C19orf47: variants seen among roughly 807,000 people sequenced by gnomAD.
C19orf47 encodes the protein chromosome 19 open reading frame 47.
Under a neutral mutation model 32.3 loss-of-function variants are expected in C19orf47, and 18 were observed. The ratio of observed to expected loss-of-function variants is 0.56; its 90% CI spans 0.39 to 0.83. The LOEUF (loss-of-function observed/expected upper bound fraction) is 0.83. Among genes scored for constraint, C19orf47 ranks in the 40% least tolerant of loss-of-function variants. C19orf47 has a pLI of 0.00. For synonymous variants in C19orf47, 202 were observed against 211.1 expected (o/e 0.96, Z 0.37); for missense variants, 484 against 531.6 (o/e 0.91, Z 0.88).
At chr19:40,296,906 C>T in the C19orf47 span, among the ~76,000 whole-genome samples, 1,118 of 151,518 alleles carry the variant, frequency 7.4e-3, 12 homozygotes, top group Non-Finnish European at 0.01. Flanking sequence ...AGAGCAAGAC[C>T]CTGTCTCAAA....
the C19orf47 span, among the ~76,000 whole-genome samples, chr19:40,295,818 C>G: frequency 6.6e-6 from 1 of 152,102 alleles, no homozygotes; most frequent in East Asian, 1.9e-4. Flanking sequence ...GCAATCACCA[C>G]TCACTGCAGC....
intron 7 of C19orf47, among the ~76,000 whole-genome samples, chr19:40,325,412 G>A (rs1473413772): frequency 6.6e-6 from 1 of 152,058 alleles, no homozygotes; most frequent in Admixed American, 6.6e-5. Context: ...CAGATCACTT[G>A]AGCTCAGGAG....
At chr19:40,329,736 A>G (rs1321535744) in intron 5 of C19orf47, among the ~76,000 whole-genome samples, 4 of 151,956 alleles carry the variant, frequency 2.6e-5, no homozygotes, top group African/African-American at 9.7e-5. Context: ...TTCTTCAGAC[A>G]TTTTTCAGGT....
chr19:40,298,206 C>T, the C19orf47 span, among the ~76,000 whole-genome samples: 7 of 150,966 alleles, frequency 4.6e-5, no homozygotes, highest in African/African-American at 1.7e-4. Flanking sequence ...CAACAACAAT[C>T]GTGCTTTATG....
At chr19:40,340,572 G>C (rs10421266) in intron 2 of C19orf47, among the ~76,000 whole-genome samples, 1 of 151,380 alleles carries the variant, frequency 6.6e-6, no homozygotes, top group Non-Finnish European at 1.5e-5. Context: ...TCCCAGCTAC[G>C]TGGGAAGCTG....
At chr19:40,331,743 A>T (rs1468536681) in intron 5 of C19orf47, among the ~76,000 whole-genome samples, 3 of 152,218 alleles carry the variant, frequency 2.0e-5, no homozygotes, top group Non-Finnish European at 4.4e-5. Flanking sequence ...GTTTATTTTT[A>T]AAAAAGGTAT....
rs2078376304 is a variant in C19orf47 at position 40,348,378 on chromosome 19, C to A, written c.-88G>T. ...CCGCCCGCCCTCCCTCCCGGCGGCG[C>A]CAACTGTCAGACACTCCTCCCCCGG... On this transcript the variant is annotated 5_prime_UTR_variant, in exon 1 of 9. Transcript: ENST00000683109. 33 of 1,422,496 alleles carry A rather than the reference C, an allele frequency of 2.3e-5. No individual in the cohort carries two copies. Among genetic ancestry groups the A allele is most frequent in the Non-Finnish European group, 3.0e-5 (33 of 1,088,334 alleles). The allele number at this position is 1,422,496 out of a possible 1,614,324, so 88.1% of individuals were successfully genotyped here. A position where few individuals can be genotyped will look rare whatever the true frequency, so the allele number is the denominator to read the frequency against.
intron 4 of C19orf47, among the ~76,000 whole-genome samples, 190 bp from the exon 5 acceptor site, chr19:40,334,119 T>C (rs949717687): frequency 1.3e-5 from 2 of 152,192 alleles, no homozygotes; most frequent in Non-Finnish European, 1.5e-5. Flanking sequence ...ACCAGTATAT[T>C]CAGATATATA....
At chr19:40,330,703 T>C (rs1366669455) in intron 5 of C19orf47, among the ~76,000 whole-genome samples, 2 of 151,972 alleles carry the variant, frequency 1.3e-5, no homozygotes, top group Admixed American at 1.3e-4. Flanking sequence ...TTACTAATTT[T>C]TGTAGAGACA....
At chr19:40,325,400 G>A (rs2077809078) in intron 7 of C19orf47, among the ~76,000 whole-genome samples, 1 of 152,084 alleles carries the variant, frequency 6.6e-6, no homozygotes, top group Admixed American at 6.6e-5. Context: ...AGGTGAAGCA[G>A]GCAGATCACT....
At chr19:40,302,988 C>T in the C19orf47 span, among the ~76,000 whole-genome samples, 2 of 152,188 alleles carry the variant, frequency 1.3e-5, no homozygotes, top group African/African-American at 2.4e-5. Context: ...CACCTATAAT[C>T]CCAGCATTTT....
the C19orf47 span, among the ~76,000 whole-genome samples, chr19:40,311,379 CAAA>C: frequency 7.2e-6 from 1 of 139,208 alleles, no homozygotes. Flanking sequence ...AACTCGGTCT[CAAA>C]AAAAAAAAAA....
At chr19:40,306,879 C>T in the C19orf47 span, among the ~76,000 whole-genome samples, 36 of 150,760 alleles carry the variant, frequency 2.4e-4, 1 homozygote, top group African/African-American at 8.8e-4. Context: ...GGCTCCGCCC[C>T]CCGGGGTTCA....
intron 7 of C19orf47, among the ~76,000 whole-genome samples, chr19:40,325,670 A>G (rs1055883756): frequency 3.3e-5 from 5 of 152,252 alleles, no homozygotes; most frequent in East Asian, 3.9e-4. Flanking sequence ...AACTGCCTAT[A>G]TATGTGTTAT....
Position 40,319,931 on chromosome 19 carries a change from A to T in C19orf47, c.*1951T>A, listed in dbSNP as rs1328048264. 6.5e-6 allele frequency: 1 copy of T among 154,176 alleles called. No homozygotes were observed. The highest frequency in any genetic ancestry group is 1.9e-4 in the East Asian group (1 of 5,208). 9.6% of individuals were successfully genotyped at this position (154,176 alleles called of 1,614,324 possible). ...CCGCCTGAGCCCCAGCGGGGACCCT[A>T]ACAGGCGCAATGCAGTCAGAACACA... On this transcript the variant is annotated 3_prime_UTR_variant, in exon 9 of 9. Coordinates refer to ENST00000683109, the MANE Select transcript of C19orf47 (RefSeq NM_001256441.2).
At chr19:40,324,959 CAA>C (rs1010489988) in intron 7 of C19orf47, among the ~76,000 whole-genome samples, 16 of 131,534 alleles carry the variant, frequency 1.2e-4, no homozygotes, top group Admixed American at 1.6e-4. Flanking sequence ...GACTCTGTCT[CAA>C]AAAAAAAAAA....
At chr19:40,310,152 T>C in the C19orf47 span, among the ~76,000 whole-genome samples, 11 of 151,770 alleles carry the variant, frequency 7.2e-5, no homozygotes, top group East Asian at 2.1e-3. Flanking sequence ...ACAAATGTAA[T>C]ACATCCATAC....
chr19:40,325,085 C>T (rs376011190), intron 7 of C19orf47, among the ~76,000 whole-genome samples: 3 of 151,758 alleles, frequency 2.0e-5, no homozygotes, highest in South Asian at 4.2e-4. Context: ...GCCTGGCCAA[C>T]ATGATGAAAC....
At chr19:40,328,262 A>G in intron 6 of C19orf47, 151 bp downstream of exon 6, 1 of 1,244,740 alleles carries the variant, frequency 8.0e-7, no homozygotes, top group Non-Finnish European at 1.1e-6. Flanking sequence ...TGGCACCTTG[A>G]CCAAGTTTAC....
Sources: gnomAD v4.1 joint callset for allele counts (sites outside exome capture counted in the v4.1 genomes callset) on GRCh38, gnomAD v4.1.1 for gene constraint, MANE v1.5 for transcripts, NCBI Gene and HGNC (gene_info 2026-07-23, HGNC 2026-07-21) for gene names.